The following DIDO1 variants were observed in gnomAD, a reference collection of about 807,000 sequenced individuals.
DIDO1 encodes the protein death inducer-obliterator 1.
Under a neutral mutation model 99.4 loss-of-function variants are expected in DIDO1, and 16 were observed. That is an observed-to-expected ratio of 0.16 (90% CI 0.11 to 0.24). The LOEUF (loss-of-function observed/expected upper bound fraction) is 0.24. Among genes scored for constraint, DIDO1 ranks in the 10% least tolerant of loss-of-function variants. The pLI, the probability that DIDO1 is intolerant of heterozygous loss-of-function variation, is 1.00. For missense variants in DIDO1, 2,996 were observed against 3,014.0 expected (o/e 0.99, Z 0.14); for synonymous variants, 1,366 against 1,239.1 (o/e 1.10, Z -2.15).
At chr20:62,925,508 G>A (rs1172548597) in intron 1 of DIDO1, among the ~76,000 whole-genome samples, 1 of 152,188 alleles carries the variant, frequency 6.6e-6, no homozygotes, top group African/African-American at 2.4e-5. Flanking sequence ...CATTCCATCA[G>A]CAGACAGATG....
Position 62,881,680 on chromosome 20 carries a change from A to G in DIDO1, c.4276T>C (p.Tyr1426His). Residue 1426 changes from tyrosine (Y) to histidine (H), a missense_variant, in exon 16 of 16, where the codon TAT (tyrosine) becomes CAT (histidine). By Grantham distance (83) the Tyr-to-His change is moderately conservative (BLOSUM62 2). This residue lies in a region of DIDO1 where 1,562 missense variants were observed against 1,412.6 expected (regional missense o/e 1.11). Coordinates refer to ENST00000395343, the MANE Select transcript of DIDO1 (RefSeq NM_001193369.2). This position sits in a 1 kb window ranked among gnomAD's most constrained non-coding sequence, Gnocchi z 8.3. ...AAAAEREEVAYDPEDETILEE... is the reference protein window; with the variant it reads ...AAAAEREEVAHDPEDETILEE... ...AAGATGGTCTCATCCTCGGGGTCAT[A>G]GGCCACCTCTTCCCGCTCGGCTGCA... 1 of 1,612,756 alleles carries G rather than the reference A, an allele frequency of 6.2e-7. No individual in the cohort carries two copies. The highest frequency in any genetic ancestry group is 8.5e-7 in the Non-Finnish European group (1 of 1,179,988).
intron 6 of DIDO1, among the ~76,000 whole-genome samples, chr20:62,900,532 A>G (rs2064646218): frequency 1.3e-5 from 2 of 152,212 alleles, no homozygotes; most frequent in Non-Finnish European, 2.9e-5. Context: ...CAATTGCCCC[A>G]GTGGAAGTTT....
intron 5 of DIDO1, 36 bp from the exon 6 acceptor site, chr20:62,906,136 G>A: frequency 1.9e-6 from 3 of 1,585,736 alleles, no homozygotes; most frequent in East Asian, 2.2e-5. Context: ...CATTAAAAAG[G>A]TAAGAAATCA....
chr20:62,900,049 G>GA (rs1318750082), intron 6 of DIDO1, among the ~76,000 whole-genome samples: 1 of 152,160 alleles, frequency 6.6e-6, no homozygotes, highest in Admixed American at 6.5e-5. Context: ...GGCAACCCAG[G>GA]AAAAAACCCC....
chr20:62,895,157 G>A lies in DIDO1; in HGVS notation c.2223C>T (p.Phe741=), dbSNP rs1443974591. Reference sequence around the variant, plus strand: ...AGATTTCCTCACGCAGAACACGATGGAAGAGTCCCTATAAACAAGTATTTT... The same window carrying A: ...AGATTTCCTCACGCAGAACACGATGAAAGAGTCCCTATAAACAAGTATTTT... ...NLKDPKNQGL[F]HRVLREEISL... Residue 741 remains phenylalanine (F), a synonymous_variant, in exon 9 of 16, where the codon TTC becomes TTT. Coordinates refer to ENST00000395343, the MANE Select transcript of DIDO1 (RefSeq NM_001193369.2). The A allele has an allele frequency of 6.2e-7, 1 of 1,606,012 alleles. No individual in the cohort carries two copies. Among genetic ancestry groups the A allele is most frequent in the Admixed American group, 1.7e-5 (1 of 59,904 alleles).
At chr20:62,886,433 G>A (rs1242485079) in intron 15 of DIDO1, among the ~76,000 whole-genome samples, 1 of 152,168 alleles carries the variant, frequency 6.6e-6, no homozygotes, top group South Asian at 2.1e-4. Context: ...CAGACCACAC[G>A]CACAGGAAAA....
intron 6 of DIDO1, among the ~76,000 whole-genome samples, chr20:62,897,927 T>C (rs1315642210): frequency 6.6e-6 from 1 of 152,116 alleles, no homozygotes; most frequent in African/African-American, 2.4e-5. Context: ...GGGGCCCCCA[T>C]GAGGGCCCCA....
intron 1 of DIDO1, among the ~76,000 whole-genome samples, chr20:62,920,382 C>T (rs986155328): frequency 2.0e-5 from 3 of 152,188 alleles, no homozygotes; most frequent in Non-Finnish European, 4.4e-5. Context: ...CCCCAACCCC[C>T]GATTTTCACT....
chr20:62,890,166 A>G, intron 15 of DIDO1: 1 of 985,880 alleles, frequency 1.0e-6, no homozygotes, highest in Non-Finnish European at 1.2e-6. Flanking sequence ...AGCACTTCAG[A>G]GGACACTGTG....
intron 6 of DIDO1, chr20:62,905,453 T>G (rs867739433): frequency 1.3e-6 from 2 of 1,530,314 alleles, no homozygotes; most frequent in East Asian, 2.5e-5. Flanking sequence ...TGCTTTCATG[T>G]GCTGGCCGTG....
At chr20:62,935,434 C>T (rs1415918215) in intron 1 of DIDO1, among the ~76,000 whole-genome samples, 2 of 152,162 alleles carry the variant, frequency 1.3e-5, no homozygotes, top group African/African-American at 4.8e-5. Flanking sequence ...AGCAACCACA[C>T]GGACCGTGTG....
chr20:62,922,141 C>T (rs76921804), intron 1 of DIDO1, among the ~76,000 whole-genome samples: 6 of 144,994 alleles, frequency 4.1e-5, no homozygotes, highest in South Asian at 2.2e-4. Context: ...TACATATATA[C>T]ACACACACAC....
intron 6 of DIDO1, among the ~76,000 whole-genome samples, chr20:62,899,369 C>T (rs996199480): frequency 2.0e-5 from 3 of 152,202 alleles, no homozygotes; most frequent in South Asian, 2.1e-4. Flanking sequence ...TGATGTTTAA[C>T]GCTCACCTTG....
rs1379301438 is a variant in DIDO1, at chr20:62,880,483, C to A, written c.5473G>T (p.Gly1825Cys). 1.9e-6 allele frequency: 3 copies of A among 1,612,858 alleles called. No individual in the cohort carries two copies. The highest frequency in any genetic ancestry group is 2.5e-6 in the Non-Finnish European group (3 of 1,180,008). ...CCACCAAGGTAAGAGGGTGAGGGGC[C>A]TCTGCTGTCCCCATAAGGAGGTGGC... The part of the protein sequence containing the change: ...HGPPPYGDSR[G>C]PSPSYLGGPR... The change falls in exon 16 of 16, where the codon GGC becomes TGC. Residue 1825 changes from glycine to cysteine, a missense_variant. By Grantham distance (159) the Gly-to-Cys change is radical (BLOSUM62 -3). Around this residue, in one of 5 missense-constraint regions of DIDO1, gnomAD observed 1,562 missense variants for 1,412.6 expected, o/e 1.11. Transcript: ENST00000395343.
intron 6 of DIDO1, among the ~76,000 whole-genome samples, chr20:62,904,233 G>T (rs2064750238): frequency 6.6e-6 from 1 of 152,100 alleles, no homozygotes; most frequent in Non-Finnish European, 1.5e-5. Flanking sequence ...GCATTCACAG[G>T]TGGGTGACAC....
intron 1 of DIDO1, among the ~76,000 whole-genome samples, chr20:62,922,155 C>T (rs939715168): frequency 2.0e-5 from 3 of 148,398 alleles, no homozygotes; most frequent in Non-Finnish European, 3.0e-5. Context: ...CACACACACA[C>T]AAACAATGCC....
At position 62,880,583 on chromosome 20, in the gene DIDO1, C is replaced by T. The variant is rs1196153240; in HGVS notation, c.5373G>A (p.Gly1791=). ...FPEENIASND[G]PRGPPPARFG... is the part of the protein sequence containing the mutation. ...ATCTGGCTGGCGGAGGCCCTCGTGG[C>T]CCATCGTTAGAAGCGATATTCTCTT... is the stretch of plus-strand genomic sequence containing the variant. Residue 1791 remains glycine (G), a synonymous_variant, in exon 16 of 16, where the codon GGG becomes GGA. Transcript: ENST00000395343. The T allele has an allele frequency of 1.1e-5, 17 of 1,612,936 alleles. No homozygotes were observed. Among genetic ancestry groups the T allele is most frequent in the Non-Finnish European group, 1.4e-5 (17 of 1,180,012 alleles).
At chr20:62,915,070 G>A (rs1443813138) in intron 1 of DIDO1, among the ~76,000 whole-genome samples, 1 of 152,114 alleles carries the variant, frequency 6.6e-6, no homozygotes, top group Non-Finnish European at 1.5e-5. Context: ...CTTCCAAACT[G>A]AGCCCCAGCT....
At chr20:62,900,805 C>T (rs976303161) in intron 6 of DIDO1, among the ~76,000 whole-genome samples, 3 of 152,226 alleles carry the variant, frequency 2.0e-5, no homozygotes, top group Non-Finnish European at 2.9e-5. Flanking sequence ...TGTCCTGAAT[C>T]CTGCCTATCA....
Sources: allele counts gnomAD v4.1 joint callset (sites outside exome capture counted in the v4.1 genomes callset), GRCh38; gene constraint gnomAD v4.1.1; regional missense constraint gnomAD v4.1.1; non-coding constraint Gnocchi (gnomAD v3.1); transcripts MANE v1.5; gene names NCBI Gene and HGNC (gene_info 2026-07-23, HGNC 2026-07-21).